Variants in TOMM34 observed in about 807,000 individuals in gnomAD.
TOMM34 encodes translocase of outer mitochondrial membrane 34.
TOMM34 carries 24 observed loss-of-function variants against 37.4 expected under a neutral mutation model. That is an observed-to-expected ratio of 0.64 (90% confidence interval 0.46 to 0.90). TOMM34 has a LOEUF of 0.90. Ranked by LOEUF, TOMM34 falls within the 40% of genes least tolerant of loss-of-function variation. The pLI, the probability that TOMM34 is intolerant of heterozygous loss-of-function variation, is 0.00. For synonymous variants in TOMM34, 154 were observed against 148.9 expected (o/e 1.03, Z -0.25); for missense variants, 304 against 375.6 (o/e 0.81, Z 1.58).
intron 5 of TOMM34, among the ~76,000 whole-genome samples, chr20:44,944,705 A>G (rs930336345): frequency 3.9e-5 from 6 of 152,190 alleles, no homozygotes; most frequent in Non-Finnish European, 8.8e-5. Flanking sequence ...CAAAACAAAA[A>G]AAGAAATAAA....
Position 44,943,016 on chromosome 20 carries a change from G to A in TOMM34, c.*93C>T. 8.1e-7 allele frequency: 1 copy of A among 1,231,728 alleles called. No homozygotes were observed. The highest frequency in any genetic ancestry group is 1.2e-6 in the Non-Finnish European group (1 of 841,814). 76.3% of individuals were successfully genotyped at this position (1,231,728 alleles called of 1,614,324 possible). On this transcript the variant is annotated 3_prime_UTR_variant, in exon 7 of 7. Coordinates refer to ENST00000372813, the MANE Select transcript of TOMM34 (RefSeq NM_006809.5). ...GGAGGGGGCTTCAGAGCTCACTTGG[G>A]GCATGCTGGGTTTCAGGAGCGGGCA...
chr20:44,960,258 C>A lies in TOMM34; in HGVS notation c.76G>T (p.Ala26Ser). 2 of 1,571,830 alleles carry A rather than the reference C, an allele frequency of 1.3e-6. No homozygotes were observed. The highest frequency in any genetic ancestry group is 1.7e-6 in the Non-Finnish European group (2 of 1,159,454). ...GNESFRNGQY[A>S]EASALYGRAL... ...CGGCCGTAGAGCGCGGAGGCCTCGG[C>A]GTACTGGCCGTTGCGGAAACTCTCA... Residue 26 changes from alanine (A) to serine (S), a missense_variant, in exon 1 of 7, where the codon GCC becomes TCC. Transcript: ENST00000372813.
At chr20:44,952,927 C>T (rs1007824510) in intron 3 of TOMM34, among the ~76,000 whole-genome samples, 2 of 152,138 alleles carry the variant, frequency 1.3e-5, no homozygotes, top group Non-Finnish European at 2.9e-5. Flanking sequence ...TTCCCTGGCC[C>T]TTCCCCTTTT....
intron 2 of TOMM34, 23 bp downstream of exon 2, chr20:44,956,363 C>A (rs778480995): frequency 6.2e-7 from 1 of 1,613,296 alleles, no homozygotes; most frequent in East Asian, 2.2e-5. Flanking sequence ...TCAGGCATCC[C>A]AAAATTACCC....
intron 5 of TOMM34, among the ~76,000 whole-genome samples, chr20:44,946,196 G>A (rs937613427): frequency 6.6e-6 from 1 of 152,146 alleles, no homozygotes; most frequent in African/African-American, 2.4e-5. Context: ...CTCCCAATGG[G>A]CTTGGCAATT....
chr20:44,943,228 G>C lies in TOMM34; in HGVS notation c.826-15C>G. On this transcript the variant is annotated splice_polypyrimidine_tract_variant and intron_variant, in intron 6 of 6. Transcript: ENST00000372813. ...GATTTATAGTCCTAATAGAAGAAAA[G>C]ACAGGAGTGTGGGGGAAGGTTCCCG... 6.2e-7 allele frequency: 1 copy of C among 1,613,798 alleles called. No individual in the cohort carries two copies. The highest frequency in any genetic ancestry group is 8.5e-7 in the Non-Finnish European group (1 of 1,179,754).
intron 1 of TOMM34, chr20:44,958,254 C>T (rs1335468011): frequency 2.3e-6 from 1 of 433,934 alleles, no homozygotes; most frequent in Non-Finnish European, 4.9e-6. Flanking sequence ...TTTTTTCACT[C>T]AGTATCCTGT....
intron 3 of TOMM34, among the ~76,000 whole-genome samples, chr20:44,953,737 C>T (rs984732473): frequency 2.0e-4 from 30 of 152,194 alleles, no homozygotes; most frequent in African/African-American, 5.8e-4. Flanking sequence ...TGTTGATATA[C>T]TTCCTACATG....
At chr20:44,950,000 T>C (rs796085333) in intron 4 of TOMM34, among the ~76,000 whole-genome samples, 3 of 152,370 alleles carry the variant, frequency 2.0e-5, no homozygotes, top group African/African-American at 7.2e-5. Context: ...TTTTCATTGC[T>C]GCAATACCAA....
intron 5 of TOMM34, among the ~76,000 whole-genome samples, chr20:44,945,453 A>T (rs1458201110): frequency 6.6e-6 from 1 of 152,208 alleles, no homozygotes; most frequent in Non-Finnish European, 1.5e-5. Flanking sequence ...AGGTTAGGTC[A>T]TAATAGGCCT....
At chr20:44,955,445 T>G (rs1224577359) in intron 2 of TOMM34, 4 of 660,268 alleles carry the variant, frequency 6.1e-6, no homozygotes, top group Non-Finnish European at 1.1e-5. Context: ...TAAATGTGTG[T>G]GCACATGCAT....
At chr20:44,954,511 C>T (rs187353257) in intron 3 of TOMM34, among the ~76,000 whole-genome samples, 39 of 152,318 alleles carry the variant, frequency 2.6e-4, no homozygotes, top group Non-Finnish European at 4.9e-4. Flanking sequence ...GCTTTCTAGC[C>T]GCACACGCAG....
chr20:44,960,178 C>G (rs181732423), intron 1 of TOMM34, 29 bp downstream of exon 1: 4 of 1,545,620 alleles, frequency 2.6e-6, no homozygotes, highest in South Asian at 1.2e-5. Flanking sequence ...GGAGCAGGCC[C>G]GGAGGTGAGA....
In TOMM34 at chr20:44,942,852, A is replaced by AT; in HGVS notation, c.*256dup. Reference sequence around the variant, plus strand: ...GTGATCAGCTAGCTGGGCTGGGGGAATAGGGACAGAGCTTCAGCTTCACGC... The same window carrying AT: ...GTGATCAGCTAGCTGGGCTGGGGGAATTAGGGACAGAGCTTCAGCTTCACGC... On this transcript the variant is annotated 3_prime_UTR_variant, in exon 7 of 7. Coordinates refer to ENST00000372813, the MANE Select transcript of TOMM34 (RefSeq NM_006809.5). 1 of 541,884 alleles carries AT rather than the reference A, an allele frequency of 1.8e-6. No homozygotes were observed. The highest frequency in any genetic ancestry group is 3.2e-5 in the East Asian group (1 of 31,614). The allele number at this position is 541,884 out of a possible 1,614,324, so 33.6% of individuals were successfully genotyped here.
At chr20:44,947,963 T>G (rs1256110665) in intron 5 of TOMM34, among the ~76,000 whole-genome samples, 1 of 152,174 alleles carries the variant, frequency 6.6e-6, no homozygotes, top group Non-Finnish European at 1.5e-5. Flanking sequence ...TTTGATATGG[T>G]CTCTTGCTGA....
chr20:44,960,107 G>A (rs770375757), intron 1 of TOMM34, 100 bp downstream of exon 1: 1 of 1,443,100 alleles, frequency 6.9e-7, no homozygotes, highest in Middle Eastern at 2.5e-4. Context: ...GGAAGGGTGG[G>A]AGGGCCGGGC....
At position 44,952,674 on chromosome 20, in the gene TOMM34, G is replaced by C. The variant is rs112503046; in HGVS notation, c.381-672C>G. On this transcript the variant is annotated intron_variant, in intron 3 of 6. Transcript: ENST00000372813. ...GCTTAAAATGCCACCCAGAGACCAAGTTCATTCTGTCAACTGATCTCCAGC... is the reference window on the plus strand; with the variant it reads ...GCTTAAAATGCCACCCAGAGACCAACTTCATTCTGTCAACTGATCTCCAGC... 982 of 717,308 alleles carry C rather than the reference G, an allele frequency of 1.4e-3. 8 individuals are homozygous for C. The African/African-American group carries it at 0.015, about 11-fold the overall frequency. The allele number at this position is 717,308 out of a possible 1,614,324, so 44.4% of individuals were successfully genotyped here. A position where few individuals can be genotyped will look rare whatever the true frequency, so the allele number is the denominator to read the frequency against.
intron 5 of TOMM34, among the ~76,000 whole-genome samples, chr20:44,947,778 C>T (rs140542800): frequency 5.3e-4 from 80 of 152,312 alleles, no homozygotes; most frequent in African/African-American, 1.8e-3. Flanking sequence ...GTTGGGATTA[C>T]AGGCATTGAG....
At chr20:44,947,684 G>C (rs1284369669) in intron 5 of TOMM34, among the ~76,000 whole-genome samples, 1 of 152,112 alleles carries the variant, frequency 6.6e-6, no homozygotes, top group African/African-American at 2.4e-5. Flanking sequence ...ATTTTTAGTA[G>C]AGATGGGGTT....
Sources: allele counts gnomAD v4.1 joint callset (sites outside exome capture counted in the v4.1 genomes callset), GRCh38; gene constraint gnomAD v4.1.1; transcripts MANE v1.5; gene names NCBI Gene and HGNC (gene_info 2026-07-23, HGNC 2026-07-21).